FAF1: variants seen among roughly 807,000 people sequenced by gnomAD.
FAF1 encodes the protein FAS-associated factor 1.
Under a neutral mutation model 92.5 loss-of-function variants are expected in FAF1, and 25 were observed. That is an observed-to-expected ratio of 0.27 (90% CI 0.20 to 0.38). The LOEUF (loss-of-function observed/expected upper bound fraction) is 0.38, where lower values mean the gene tolerates loss of function less well. Among genes scored for constraint, FAF1 ranks in the 10% least tolerant of loss-of-function variants. The probability of loss-of-function intolerance (pLI) is 1.00; values close to 1 mark genes in which losing one functional copy is unlikely to be tolerated. For missense variants in FAF1, 636 were observed against 793.3 expected (o/e 0.80, Z 2.38); for synonymous variants, 234 against 273.2 (o/e 0.86, Z 1.42).
At chr1:50,516,344 C>T (rs1230138872) in intron 15 of FAF1, among the ~76,000 whole-genome samples, 2 of 152,098 alleles carry the variant, frequency 1.3e-5, no homozygotes, top group African/African-American at 4.8e-5. Context: ...TATATCCCTC[C>T]GTTTTGAACC....
At position 50,485,667 on chromosome 1, in the gene FAF1, C is replaced by CAAA. The variant is rs999538430; in HGVS notation, c.1653+4918_1653+4920dup. The stretch of plus-strand genomic sequence containing the variant: ...CCTGGGCAACAGAGCGAGACTGTCT[C>CAAA]AAAAAAAAAAAAAAAAAAAAAAAAA... On this transcript the variant is annotated intron_variant, in intron 17 of 18. Coordinates refer to ENST00000396153, the MANE Select transcript of FAF1 (RefSeq NM_007051.3). Among the ~76,000 whole-genome samples, 86 of 13,680 alleles carry CAAA rather than the reference C, an allele frequency of 6.3e-3. 4 individuals are homozygous for CAAA. The highest frequency in any genetic ancestry group is 0.016 in the African/African-American group (69 of 4,246). 9.0% of individuals were successfully genotyped at this position (13,680 alleles called of 152,430 possible).
intron 1 of FAF1, among the ~76,000 whole-genome samples, chr1:50,946,605 G>A (rs759557190): frequency 6.6e-6 from 1 of 152,190 alleles, no homozygotes; most frequent in Non-Finnish European, 1.5e-5. Flanking sequence ...AAGGATCTGA[G>A]TTTTATCCTG....
At chr1:50,796,300 G>A (rs992855330) in intron 3 of FAF1, among the ~76,000 whole-genome samples, 4 of 151,808 alleles carry the variant, frequency 2.6e-5, no homozygotes, top group African/African-American at 7.3e-5. Context: ...CCCCAACACT[G>A]GCACTCATTT....
chr1:50,447,183 G>A (rs1394872047), intron 18 of FAF1, among the ~76,000 whole-genome samples: 1 of 147,594 alleles, frequency 6.8e-6, no homozygotes, highest in African/African-American at 2.5e-5. Flanking sequence ...TGGAGTGCAG[G>A]GGCACGATCT....
chr1:50,457,117 G>A (rs1405050949), intron 18 of FAF1, among the ~76,000 whole-genome samples: 1 of 150,226 alleles, frequency 6.7e-6, no homozygotes, highest in African/African-American at 2.5e-5. Flanking sequence ...GTTCACACAA[G>A]GTCTCACATA....
At chr1:50,838,008 G>A (rs1176156407) in intron 2 of FAF1, among the ~76,000 whole-genome samples, 1 of 152,126 alleles carries the variant, frequency 6.6e-6, no homozygotes, top group African/African-American at 2.4e-5. Flanking sequence ...CTCCCAAAGT[G>A]CTGGGATTAC....
chr1:50,727,130 T>C (rs1180282659), intron 6 of FAF1, among the ~76,000 whole-genome samples: 4 of 152,254 alleles, frequency 2.6e-5, no homozygotes, highest in African/African-American at 9.6e-5. Context: ...TAGTCCATCT[T>C]CAGTGAGGCC....
chr1:50,828,977 G>A (rs1355949059), intron 2 of FAF1, among the ~76,000 whole-genome samples: 2 of 152,124 alleles, frequency 1.3e-5, no homozygotes, highest in Non-Finnish European at 2.9e-5. Context: ...CAGTTCAACA[G>A]AAAAGAAAAA....
chr1:50,769,328 G>A (rs137974235), intron 4 of FAF1, among the ~76,000 whole-genome samples: 4 of 152,270 alleles, frequency 2.6e-5, no homozygotes, highest in Non-Finnish European at 5.9e-5. Context: ...ACAATGCCCA[G>A]GACCAGATGA....
In FAF1 at chr1:50,803,995, A is replaced by T. The variant is rs190018017; in HGVS notation, c.115-2318T>A. ...GGAACATTTGATCTATGCTTCAAAC[A>T]ATGGGAAGATACAGAAGCAAAGGAA... On this transcript the variant is annotated intron_variant, in intron 2 of 18. Coordinates refer to ENST00000396153, the MANE Select transcript of FAF1 (RefSeq NM_007051.3). Among the ~76,000 whole-genome samples, 334 of 152,254 alleles carry T rather than the reference A, an allele frequency of 2.2e-3. 3 individuals carry two copies. Among genetic ancestry groups the T allele is most frequent in the African/African-American group, 8.0e-3 (331 of 41,566 alleles).
At chr1:50,487,248 C>T (rs961497766) in intron 17 of FAF1, among the ~76,000 whole-genome samples, 7 of 152,108 alleles carry the variant, frequency 4.6e-5, no homozygotes, top group Non-Finnish European at 8.8e-5. Context: ...TGATGTTACG[C>T]ACAAAGTAAA....
At position 50,539,587 on chromosome 1, in the gene FAF1, T is replaced by G. The variant is rs768149640; in HGVS notation, c.1405+5A>C. On this transcript the variant is annotated splice_donor_5th_base_variant and intron_variant, in intron 14 of 18. Transcript: ENST00000396153. ...GCTTTACTCTCCTTGTGACATGTAC[T>G]TTACCTTGTATCACATTCAACACTT... is the stretch of plus-strand genomic sequence containing the variant. 5 of 1,611,088 alleles carry G rather than the reference T, an allele frequency of 3.1e-6. No homozygotes were observed. Among genetic ancestry groups the G allele is most frequent in the Non-Finnish European group, 4.2e-6 (5 of 1,178,110 alleles).
intron 7 of FAF1, among the ~76,000 whole-genome samples, chr1:50,657,953 T>C (rs539445395): frequency 4.6e-5 from 7 of 152,340 alleles, no homozygotes; most frequent in African/African-American, 1.7e-4. Flanking sequence ...ATTTTGTTTA[T>C]AGTCAGTCAC....
intron 13 of FAF1, among the ~76,000 whole-genome samples, chr1:50,559,764 T>A (rs1319597470): frequency 1.3e-5 from 2 of 152,142 alleles, no homozygotes; most frequent in Non-Finnish European, 2.9e-5. Flanking sequence ...TCCTCCCTCT[T>A]CACAAAACAA....
chr1:50,764,556 A>T (rs958639606), intron 4 of FAF1, among the ~76,000 whole-genome samples: 1 of 152,100 alleles, frequency 6.6e-6, no homozygotes, highest in Non-Finnish European at 1.5e-5. Context: ...GGACTGTTGT[A>T]TAGAAATTTT....
rs182482879 is a variant in FAF1 at position 50,939,160 on chromosome 1, T to C, written c.45+20607A>G. Among the ~76,000 whole-genome samples the C allele has an allele frequency of 1.1e-4, 16 of 152,370 alleles. No individual in the cohort carries two copies. The East Asian group carries it at 2.9e-3, about 28-fold the overall frequency. On this transcript the variant is annotated intron_variant, in intron 1 of 18. Transcript: ENST00000396153. Reference sequence around the variant, plus strand: ...AATGTATAAATTGCTCTGGAGAGTATGGCCATTTTAATGCTATTCATTCTT... The same window carrying C: ...AATGTATAAATTGCTCTGGAGAGTACGGCCATTTTAATGCTATTCATTCTT...
chr1:50,770,512 A>C (rs1660741062), intron 4 of FAF1, among the ~76,000 whole-genome samples: 1 of 152,206 alleles, frequency 6.6e-6, no homozygotes, highest in Non-Finnish European at 1.5e-5. Context: ...TACAGTAGCC[A>C]CAAGGAAATG....
At chr1:50,473,859 G>A (rs972492220) in intron 18 of FAF1, among the ~76,000 whole-genome samples, 1 of 152,110 alleles carries the variant, frequency 6.6e-6, no homozygotes, top group Non-Finnish European at 1.5e-5. Flanking sequence ...CAATGTGAGG[G>A]ACTTAGATGT....
rs187547777 is a variant in FAF1, at chr1:50,755,936, C to G, written c.368-11161G>C. On this transcript the variant is annotated intron_variant, in intron 4 of 18. Coordinates refer to ENST00000396153, the MANE Select transcript of FAF1 (RefSeq NM_007051.3). ...GCACACAGCACAGGGACCCTGGGTC[C>G]AGCCCACGAAACCACTTTTTCTTTC... Among the ~76,000 whole-genome samples the G allele has an allele frequency of 3.9e-3, 597 of 152,298 alleles. 2 individuals carry two copies. Among genetic ancestry groups the G allele is most frequent in the Non-Finnish European group, 5.6e-3 (383 of 68,032 alleles).
Sources: gnomAD v4.1 joint callset for allele counts (sites outside exome capture counted in the v4.1 genomes callset) on GRCh38, gnomAD v4.1.1 for gene constraint, MANE v1.5 for transcripts, NCBI Gene and HGNC (gene_info 2026-07-23, HGNC 2026-07-21) for gene names.